The following CDH13 variants were observed in gnomAD, a reference collection of about 807,000 sequenced individuals.
CDH13 encodes cadherin-13.
In CDH13, 24 loss-of-function variants were observed where a neutral mutation model predicts 63.8. The ratio of observed to expected loss-of-function variants is 0.38; its 90% CI spans 0.27 to 0.53. The LOEUF is 0.53. Among genes scored for constraint, CDH13 ranks in the 20% least tolerant of loss-of-function variants. CDH13 has a pLI of 0.85. For synonymous variants in CDH13, 503 were observed against 355.3 expected (o/e 1.42, Z -4.67); for missense variants, 1,049 against 903.1 (o/e 1.16, Z -2.07).
rs2035769488 is a variant in CDH13, at chr16:83,125,482, T to C, written c.464T>C (p.Phe155Ser). The stretch of plus-strand genomic sequence containing the variant: ...ATTCCAGAGAATCAGAGACAGCCTT[T>C]CCCAAGAGATGTTGGCAAGGTAAGT... ...ILIPENQRQP[F>S]PRDVGKVVDS... Residue 155 changes from phenylalanine to serine, a missense_variant, in exon 4 of 14, where the codon TTC becomes TCC. By Grantham distance (155) the Phe-to-Ser change is radical. Transcript: ENST00000567109. 2 of 1,598,904 alleles carry C rather than the reference T, an allele frequency of 1.3e-6. No homozygotes were observed. Among genetic ancestry groups the C allele is most frequent in the Non-Finnish European group, 1.7e-6 (2 of 1,166,572 alleles).
Position 83,090,618 on chromosome 16 carries a change from G to C in CDH13, c.367-34767G>C, listed in dbSNP as rs988568761. Among the ~76,000 whole-genome samples the C allele has an allele frequency of 8.5e-4, 129 of 151,026 alleles. 1 individual carries two copies. The highest frequency in any genetic ancestry group is 2.8e-3 in the African/African-American group (115 of 41,226). Reference sequence around the variant, plus strand: ...AGTGCTTGTCTCTGCTCAAAGAGAAGTCAGAAATGGCAGCAACATTCCTAG... The same window carrying C: ...AGTGCTTGTCTCTGCTCAAAGAGAACTCAGAAATGGCAGCAACATTCCTAG... On this transcript the variant is annotated intron_variant, in intron 3 of 13. Coordinates refer to ENST00000567109, the MANE Select transcript of CDH13 (RefSeq NM_001257.5).
chr16:83,141,693 G>A (rs866453180), intron 4 of CDH13, among the ~76,000 whole-genome samples: 8 of 152,176 alleles, frequency 5.3e-5, no homozygotes, highest in Non-Finnish European at 5.9e-5. Flanking sequence ...ACAGGCCCCA[G>A]TGTGTGATGT....
chr16:83,390,362 A>G (rs1226664687), intron 6 of CDH13, among the ~76,000 whole-genome samples: 2 of 152,134 alleles, frequency 1.3e-5, no homozygotes, highest in Non-Finnish European at 2.9e-5. Context: ...CGTAGATACT[A>G]TGGAGGTGGA....
chr16:83,130,057 C>A (rs534059810), intron 4 of CDH13, among the ~76,000 whole-genome samples: 1 of 152,272 alleles, frequency 6.6e-6, no homozygotes, highest in African/African-American at 2.4e-5. Context: ...TATTCAGCAT[C>A]TGTTTTTATA....
chr16:83,095,474 T>A (rs2034147528), intron 3 of CDH13, among the ~76,000 whole-genome samples: 1 of 152,256 alleles, frequency 6.6e-6, no homozygotes, highest in African/African-American at 2.4e-5. Flanking sequence ...ATCCTCACCC[T>A]GCTTTTGGAC....
chr16:83,750,079 C>G (rs146293022), intron 11 of CDH13, among the ~76,000 whole-genome samples: 80 of 152,210 alleles, frequency 5.3e-4, no homozygotes, highest in African/African-American at 1.9e-3. Context: ...GGGTGGATTA[C>G]AAGGCCAGGA....
intron 7 of CDH13, among the ~76,000 whole-genome samples, chr16:83,523,515 T>C (rs1030814927): frequency 2.6e-5 from 4 of 152,192 alleles, no homozygotes; most frequent in Non-Finnish European, 5.9e-5. Context: ...GAGCAGCCTG[T>C]ACCCTGCCAA....
At chr16:83,476,508 A>G (rs2073608925) in intron 6 of CDH13, among the ~76,000 whole-genome samples, 1 of 152,174 alleles carries the variant, frequency 6.6e-6, no homozygotes, top group Non-Finnish European at 1.5e-5. Flanking sequence ...CCATATCTCT[A>G]CTAAAAATAC....
At chr16:83,576,205 C>T (rs1250029475) in intron 7 of CDH13, among the ~76,000 whole-genome samples, 2 of 152,216 alleles carry the variant, frequency 1.3e-5, no homozygotes, top group Non-Finnish European at 2.9e-5. Context: ...AACCTCCTTT[C>T]TGTCTCTATG....
intron 6 of CDH13, among the ~76,000 whole-genome samples, chr16:83,405,298 G>C (rs2092025634): frequency 6.6e-6 from 1 of 152,118 alleles, no homozygotes; most frequent in African/African-American, 2.4e-5. Context: ...TAATTCCTGG[G>C]GCCTGTGAAT....
At chr16:82,763,250 G>A (rs145093450) in intron 1 of CDH13, among the ~76,000 whole-genome samples, 59 of 152,148 alleles carry the variant, frequency 3.9e-4, no homozygotes, top group African/African-American at 1.3e-3. Flanking sequence ...ATAAATCAAC[G>A]TGCCTCCTGT....
At chr16:83,319,744 C>G (rs1223608775) in intron 5 of CDH13, among the ~76,000 whole-genome samples, 1 of 151,974 alleles carries the variant, frequency 6.6e-6, no homozygotes, top group Non-Finnish European at 1.5e-5. Flanking sequence ...AGACAGGTGA[C>G]AAGAAAGGAG....
chr16:82,728,218 A>G (rs889664633), intron 1 of CDH13, among the ~76,000 whole-genome samples: 1 of 152,156 alleles, frequency 6.6e-6, no homozygotes, highest in African/African-American at 2.4e-5. Context: ...GAGGGATCAC[A>G]CTGCTTCTCA....
chr16:83,138,535 C>T, intron 4 of CDH13, among the ~76,000 whole-genome samples: 1 of 152,052 alleles, frequency 6.6e-6, no homozygotes, highest in East Asian at 1.9e-4. Flanking sequence ...GTGGTCTGTC[C>T]AGAGAGGTGA....
chr16:82,848,941 G>C (rs994960760), intron 1 of CDH13, among the ~76,000 whole-genome samples: 2 of 152,148 alleles, frequency 1.3e-5, no homozygotes, highest in African/African-American at 4.8e-5. Flanking sequence ...AGTTCCTGAA[G>C]GAAACTAAAG....
intron 7 of CDH13, among the ~76,000 whole-genome samples, chr16:83,597,728 C>A (rs906677509): frequency 6.6e-6 from 1 of 152,176 alleles, no homozygotes; most frequent in African/African-American, 2.4e-5. Flanking sequence ...AATTGATTCT[C>A]TACTAGGTTA....
intron 5 of CDH13, among the ~76,000 whole-genome samples, chr16:83,296,509 G>T (rs2089601285): frequency 6.6e-6 from 1 of 152,112 alleles, no homozygotes. Context: ...ACTAGGAAAT[G>T]GTAGACCTCT....
intron 2 of CDH13, among the ~76,000 whole-genome samples, chr16:82,875,951 G>A (rs1017811772): frequency 6.6e-6 from 1 of 152,198 alleles, no homozygotes; most frequent in Non-Finnish European, 1.5e-5. Context: ...CACAATCATG[G>A]TGGAAGGTAA....
At chr16:83,215,545 A>C (rs2039472516) in intron 4 of CDH13, among the ~76,000 whole-genome samples, 1 of 150,706 alleles carries the variant, frequency 6.6e-6, no homozygotes, top group South Asian at 2.1e-4. Context: ...CTGCCAGATG[A>C]ACCCTGGCGT....
Sources: allele counts gnomAD v4.1 joint callset (sites outside exome capture counted in the v4.1 genomes callset), GRCh38; gene constraint gnomAD v4.1.1; transcripts MANE v1.5; gene names NCBI Gene and HGNC (gene_info 2026-07-23, HGNC 2026-07-21).